Variants in ECM2 observed in about 807,000 individuals in gnomAD.
The protein encoded by ECM2 is extracellular matrix protein 2.
In ECM2, 57 loss-of-function variants were observed where a neutral mutation model predicts 67.5. The observed-to-expected ratio is 0.84, with a 90% confidence interval of 0.68 to 1.05. The LOEUF (loss-of-function observed/expected upper bound fraction) is 1.05. Ranked by LOEUF, ECM2 falls within the 50% of genes least tolerant of loss-of-function variation. The probability of loss-of-function intolerance (pLI) is 0.00; values close to 1 mark genes in which losing one functional copy is unlikely to be tolerated. For missense variants in ECM2, 741 were observed against 822.8 expected (o/e 0.90, Z 1.22); for synonymous variants, 258 against 294.5 (o/e 0.88, Z 1.27).
upstream of ECM2, among the ~76,000 whole-genome samples, chr9:92,537,637 G>T (rs1563994137): frequency 6.6e-6 from 1 of 152,058 alleles, no homozygotes. Context: ...TCCAGCCTGG[G>T]CAACAGAGCG....
intron 9 of ECM2, among the ~76,000 whole-genome samples, chr9:92,498,278 G>A (rs1188973649): frequency 6.6e-6 from 1 of 152,092 alleles, no homozygotes; most frequent in Non-Finnish European, 1.5e-5. Context: ...CTATGGGAAG[G>A]ATCATATAGT....
chr9:92,542,890 T>C, the ECM2 span, among the ~76,000 whole-genome samples: 1 of 152,240 alleles, frequency 6.6e-6, no homozygotes, highest in African/African-American at 2.4e-5. Flanking sequence ...TTGATTTCTG[T>C]TTATGGTGTC....
chr9:92,543,990 G>T, the ECM2 span, among the ~76,000 whole-genome samples: 3 of 152,282 alleles, frequency 2.0e-5, no homozygotes, highest in Admixed American at 2.0e-4. Flanking sequence ...CAGAGAAAAT[G>T]TACCTTTATC....
chr9:92,523,449 T>C (rs331372), intron 1 of ECM2, among the ~76,000 whole-genome samples: 1 of 152,132 alleles, frequency 6.6e-6, no homozygotes, highest in Non-Finnish European at 1.5e-5. Flanking sequence ...CCCAAAGCCC[T>C]GTGGCAACAA....
chr9:92,505,521 AT>A lies in ECM2; in HGVS notation c.1464+11del, dbSNP rs754066635. ...ATAATACATTTAAAACACTAAAAAA[AT>A]ATATTGTTACCTCAATAGAACCAGG... On this transcript the variant is annotated intron_variant, in intron 7 of 9. Coordinates refer to ENST00000344604, the MANE Select transcript of ECM2 (RefSeq NM_001393.4). 1.5e-5 allele frequency: 24 copies of A among 1,576,370 alleles called. No individual in the cohort carries two copies. The highest frequency in any genetic ancestry group is 2.1e-5 in the Non-Finnish European group (24 of 1,166,916).
At chr9:92,528,786 T>G (rs1398869541) in intron 1 of ECM2, among the ~76,000 whole-genome samples, 2 of 152,204 alleles carry the variant, frequency 1.3e-5, no homozygotes, top group African/African-American at 4.8e-5. Flanking sequence ...GTACAATAAC[T>G]TGACAGTGTC....
chr9:92,505,954 TA>T (rs1409821268), intron 6 of ECM2, among the ~76,000 whole-genome samples: 1 of 151,984 alleles, frequency 6.6e-6, no homozygotes, highest in East Asian at 1.9e-4. Flanking sequence ...ACAATATGTG[TA>T]AGGAACAGAA....
At chr9:92,507,683 C>T (rs982767917) in intron 6 of ECM2, among the ~76,000 whole-genome samples, 4 of 152,202 alleles carry the variant, frequency 2.6e-5, no homozygotes, top group African/African-American at 9.7e-5. Context: ...GAGCAGCCTC[C>T]AGGGCTCCTG....
upstream of ECM2, among the ~76,000 whole-genome samples, chr9:92,539,981 A>G (rs1185219649): frequency 1.3e-5 from 2 of 152,218 alleles, no homozygotes; most frequent in Non-Finnish European, 2.9e-5. Context: ...CCAGAAATAT[A>G]TAAAATGCCC....
intron 1 of ECM2, among the ~76,000 whole-genome samples, chr9:92,526,889 G>T (rs2131263368): frequency 6.6e-6 from 1 of 152,252 alleles, no homozygotes; most frequent in Admixed American, 6.5e-5. Flanking sequence ...ACTCACCGGA[G>T]TGACTTCCAG....
Position 92,500,364 on chromosome 9 carries a change from G to A in ECM2, c.1931+363C>T, listed in dbSNP as rs183295152. On this transcript the variant is annotated intron_variant, in intron 9 of 9. Transcript: ENST00000344604. ...CGCCCTGCTAAGTTTTGTATTTTTA[G>A]TAGAAACGAGGTTTCACCATGTTGG... is the stretch of plus-strand genomic sequence containing the variant. Among the ~76,000 whole-genome samples, 29 of 152,260 alleles carry A rather than the reference G, an allele frequency of 1.9e-4. No homozygotes were observed. The East Asian group carries it at 5.6e-3, about 29-fold the overall frequency.
chr9:92,521,539 C>T (rs1388749078), intron 2 of ECM2, among the ~76,000 whole-genome samples: 1 of 152,096 alleles, frequency 6.6e-6, no homozygotes, highest in Admixed American at 6.5e-5. Flanking sequence ...ATATGAAATA[C>T]TGGCCACAGA....
intron 4 of ECM2, among the ~76,000 whole-genome samples, chr9:92,512,557 A>G (rs894707079): frequency 1.3e-5 from 2 of 152,178 alleles, no homozygotes; most frequent in Admixed American, 6.5e-5. Flanking sequence ...GCTCATGCCA[A>G]TCACTCACCT....
chr9:92,501,423 A>C (rs1846669330), intron 8 of ECM2, among the ~76,000 whole-genome samples: 1 of 152,220 alleles, frequency 6.6e-6, no homozygotes, highest in Non-Finnish European at 1.5e-5. Flanking sequence ...CTAAATGCCT[A>C]TCTGTAAAGT....
chr9:92,556,144 C>T, the ECM2 span, among the ~76,000 whole-genome samples: 1 of 152,118 alleles, frequency 6.6e-6, no homozygotes, highest in Non-Finnish European at 1.5e-5. Context: ...TCATTTTTGA[C>T]CTAATGCTCA....
the ECM2 span, among the ~76,000 whole-genome samples, chr9:92,542,339 A>G: frequency 6.6e-6 from 1 of 151,994 alleles, no homozygotes; most frequent in Non-Finnish European, 1.5e-5. Flanking sequence ...CCCATTTTGT[A>G]TGTTGTCCCT....
intron 3 of ECM2, among the ~76,000 whole-genome samples, chr9:92,516,072 T>TCCCCCCCCCC (rs76297691): frequency 7.2e-5 from 10 of 139,774 alleles, no homozygotes; most frequent in African/African-American, 1.3e-4. Context: ...TACTTTTTTT[T>TCCCCCCCCCC]CCCCCCCCCG....
chr9:92,506,182 A>G (rs761702626), intron 6 of ECM2, among the ~76,000 whole-genome samples: 5 of 152,216 alleles, frequency 3.3e-5, no homozygotes, highest in African/African-American at 4.8e-5. Context: ...TTCTTTTTCT[A>G]GGACACAGAA....
chr9:92,517,374 G>A (rs906286516), intron 3 of ECM2: 1 of 528,652 alleles, frequency 1.9e-6, no homozygotes, highest in Non-Finnish European at 3.4e-6. Context: ...AGCCCTTAAT[G>A]CAATAAGAAT....
Sources: gnomAD v4.1 joint callset for allele counts (sites outside exome capture counted in the v4.1 genomes callset) on GRCh38, gnomAD v4.1.1 for gene constraint, MANE v1.5 for transcripts, NCBI Gene and HGNC (gene_info 2026-07-23, HGNC 2026-07-21) for gene names.